Variants in PAN3 observed in about 807,000 individuals in gnomAD.
PAN3 encodes poly(A) specific ribonuclease subunit PAN3.
A neutral mutation model predicts 96.2 loss-of-function variants in PAN3; 19 were observed. That is an observed-to-expected ratio of 0.20 (90% CI 0.14 to 0.29). The LOEUF is 0.29. Among genes scored for constraint, PAN3 ranks in the 10% least tolerant of loss-of-function variants. The pLI, the probability that PAN3 is intolerant of heterozygous loss-of-function variation, is 1.00. For synonymous variants in PAN3, 433 were observed against 406.6 expected (o/e 1.06, Z -0.78); for missense variants, 882 against 1,108.1 (o/e 0.80, Z 2.90).
In PAN3 at chr13:28,159,405, T is replaced by C. The variant is rs146018918; in HGVS notation, c.431-14867T>C. On this transcript the variant is annotated intron_variant, in intron 1 of 18. Transcript: ENST00000380958. ...TTATAAGTGGGAACTAAATATTGAGTATACATAGACATAAAGAAGGGAACA... is the reference window on the plus strand; with the variant it reads ...TTATAAGTGGGAACTAAATATTGAGCATACATAGACATAAAGAAGGGAACA... Among the ~76,000 whole-genome samples the C allele has an allele frequency of 7.7e-3, 1,174 of 152,138 alleles. 17 individuals are homozygous for C. Among genetic ancestry groups the C allele is most frequent in the African/African-American group, 0.027 (1,129 of 41,516 alleles).
intron 1 of PAN3, among the ~76,000 whole-genome samples, chr13:28,170,379 T>G (rs1358390172): frequency 6.6e-6 from 1 of 152,222 alleles, no homozygotes; most frequent in African/African-American, 2.4e-5. Context: ...TACCAGTATT[T>G]CATTTTGCTT....
chr13:28,195,886 A>T (rs1425207651), intron 4 of PAN3, among the ~76,000 whole-genome samples: 2 of 152,164 alleles, frequency 1.3e-5, no homozygotes, highest in Non-Finnish European at 2.9e-5. Context: ...TGTGGAGTGG[A>T]GAATCTAATT....
In PAN3 at chr13:28,228,460, T is replaced by C. The variant is rs533849382; in HGVS notation, c.1000+8082T>C. Among the ~76,000 whole-genome samples, 4 of 152,326 alleles carry C rather than the reference T, an allele frequency of 2.6e-5. No individual in the cohort carries two copies. The South Asian group carries it at 8.3e-4, about 32-fold the overall frequency. ...AACCTAGATGTGGATTGCATATTTA[T>C]TATGGTAATAATGTTTAGTTCTAAA... is the stretch of plus-strand genomic sequence containing the variant. On this transcript the variant is annotated intron_variant, in intron 6 of 18. Transcript: ENST00000380958.
chr13:28,202,415 T>C (rs2138263683), intron 5 of PAN3, among the ~76,000 whole-genome samples: 1 of 152,112 alleles, frequency 6.6e-6, no homozygotes, highest in East Asian at 1.9e-4. Flanking sequence ...TTTTTGTCAA[T>C]TTTTTTTAGG....
intron 1 of PAN3, among the ~76,000 whole-genome samples, chr13:28,160,287 T>TTC (rs1288542508): frequency 6.6e-6 from 1 of 152,082 alleles, no homozygotes. Context: ...TTTTTTGACT[T>TTC]CTAAGGATGG....
chr13:28,253,558 G>A (rs1417819739), intron 6 of PAN3, among the ~76,000 whole-genome samples: 1 of 149,598 alleles, frequency 6.7e-6, no homozygotes, highest in Admixed American at 6.6e-5. Flanking sequence ...GATGCTTACT[G>A]TTGTACATGT....
At chr13:28,241,977 T>C (rs1010731483) in intron 6 of PAN3, among the ~76,000 whole-genome samples, 2 of 152,240 alleles carry the variant, frequency 1.3e-5, no homozygotes, top group East Asian at 3.8e-4. Context: ...CAATTTATTA[T>C]TGAGGATTTA....
chr13:28,198,508 T>A (rs1878338220), intron 5 of PAN3, among the ~76,000 whole-genome samples: 1 of 152,202 alleles, frequency 6.6e-6, no homozygotes, highest in Non-Finnish European at 1.5e-5. Flanking sequence ...TGTACCTTTT[T>A]TGTCAATACT....
At chr13:28,231,910 AAAAT>A (rs1353650657) in intron 6 of PAN3, among the ~76,000 whole-genome samples, 10 of 152,134 alleles carry the variant, frequency 6.6e-5, no homozygotes, top group East Asian at 1.9e-4. Flanking sequence ...TCTGAAAATG[AAAAT>A]AAATAAATAA....
chr13:28,149,501 TTAA>T (rs1289072560), intron 1 of PAN3, among the ~76,000 whole-genome samples: 1 of 152,238 alleles, frequency 6.6e-6, no homozygotes, highest in Non-Finnish European at 1.5e-5. Flanking sequence ...CTTTGGTAAC[TTAA>T]TAAGTTCATA....
Position 28,277,375 on chromosome 13 carries a change from T to C in PAN3, c.2188T>C (p.Leu730=). Residue 730 remains leucine, a splice_region_variant and synonymous_variant, in exon 15 of 19, where the codon TTG becomes CTG. Transcript: ENST00000380958. ...NYSSDLKNLI[L]YLLTDQNRMR... ...TTCCTCTGACCTGAAGAATCTGATT[T>C]TGTAAGTTTTAATATATGATAAATT... 6.2e-7 allele frequency: 1 copy of C among 1,608,558 alleles called. No homozygotes were observed. Among genetic ancestry groups the C allele is most frequent in the Non-Finnish European group, 8.5e-7 (1 of 1,177,892 alleles).
chr13:28,221,385 C>A (rs915012285), intron 6 of PAN3, among the ~76,000 whole-genome samples: 3 of 151,442 alleles, frequency 2.0e-5, no homozygotes, highest in Non-Finnish European at 4.4e-5. Flanking sequence ...TATATACACA[C>A]ACTAAAACAA....
At chr13:28,233,028 G>A (rs1263041417) in intron 6 of PAN3, among the ~76,000 whole-genome samples, 2 of 151,862 alleles carry the variant, frequency 1.3e-5, no homozygotes, top group African/African-American at 2.4e-5. Context: ...TTCTTGAGTA[G>A]CTTAATAGAT....
intron 4 of PAN3, among the ~76,000 whole-genome samples, chr13:28,180,478 G>A (rs1021435962): frequency 1.3e-4 from 20 of 152,106 alleles, no homozygotes; most frequent in Non-Finnish European, 2.9e-4. Context: ...TCTTGGCATA[G>A]GAGTATGACA....
chr13:28,212,650 A>G (rs777747804), intron 5 of PAN3, among the ~76,000 whole-genome samples: 1 of 152,242 alleles, frequency 6.6e-6, no homozygotes, highest in Admixed American at 6.5e-5. Context: ...ATATACATAG[A>G]TAAGAAATCC....
chr13:28,290,881 T>G (rs1246105875), intron 18 of PAN3, among the ~76,000 whole-genome samples: 3 of 152,040 alleles, frequency 2.0e-5, no homozygotes, highest in Non-Finnish European at 4.4e-5. Context: ...GAACAAACAT[T>G]GACAAGTAGG....
intron 6 of PAN3, among the ~76,000 whole-genome samples, chr13:28,248,320 G>T (rs1256101519): frequency 6.6e-6 from 1 of 152,046 alleles, no homozygotes; most frequent in African/African-American, 2.4e-5. Context: ...GTTTTTGGGT[G>T]GAGTCTTTTG....
At chr13:28,145,009 C>G (rs184167189) in intron 1 of PAN3, among the ~76,000 whole-genome samples, 1 of 152,088 alleles carries the variant, frequency 6.6e-6, no homozygotes, top group Non-Finnish European at 1.5e-5. Context: ...TGAGCCACCG[C>G]GCCTGGCCCA....
At chr13:28,169,005 G>T (rs1169419027) in intron 1 of PAN3, among the ~76,000 whole-genome samples, 20 of 150,590 alleles carry the variant, frequency 1.3e-4, no homozygotes, top group Admixed American at 1.3e-3. Context: ...GACAGAGCGA[G>T]ACTCCGTCTC....
Sources: allele counts gnomAD v4.1 joint callset (sites outside exome capture counted in the v4.1 genomes callset), GRCh38; gene constraint gnomAD v4.1.1; transcripts MANE v1.5; gene names NCBI Gene and HGNC (gene_info 2026-07-23, HGNC 2026-07-21).